The following NLRP4 variants were observed in gnomAD, a reference collection of about 807,000 sequenced individuals.
NLRP4 encodes NLR family pyrin domain containing 4, also known as NACHT, LRR and PYD domains-containing protein 4.
Under a neutral mutation model 84.7 loss-of-function variants are expected in NLRP4, and 44 were observed. The observed-to-expected ratio is 0.52, with a 90% CI of 0.41 to 0.67. The LOEUF is 0.67. Ranked by LOEUF, NLRP4 falls within the 30% of genes least tolerant of loss-of-function variation. NLRP4 has a pLI of 0.00. For synonymous variants in NLRP4, 544 were observed against 476.4 expected, an observed-to-expected ratio of 1.14 and a Z score of -1.85; for missense variants, 1,260 against 1,219.4, an observed-to-expected ratio of 1.03 and a Z score of -0.50.
At chr19:55,841,851 C>G (rs894669508) in intron 1 of NLRP4, among the ~76,000 whole-genome samples, 1 of 151,920 alleles carries the variant, frequency 6.6e-6, no homozygotes, top group Non-Finnish European at 1.5e-5. Context: ...GGTGATAGTG[C>G]GAGACTCTGT....
rs138328222 is a variant in NLRP4 at position 55,850,092 on chromosome 19, T to A, written c.-65-1924T>A. On this transcript the variant is annotated intron_variant, in intron 1 of 9. Coordinates refer to ENST00000301295, the MANE Select transcript of NLRP4 (RefSeq NM_134444.5). Reference sequence around the variant, plus strand: ...TTCCGAGACTGCGGTGTAATTTCCGTGGCTGCGGTGTAATTACCGTAGCTG... The same window carrying A: ...TTCCGAGACTGCGGTGTAATTTCCGAGGCTGCGGTGTAATTACCGTAGCTG... Among the ~76,000 whole-genome samples the A allele has an allele frequency of 1.2e-3, 127 of 107,802 alleles. 11 individuals are homozygous for A. The highest frequency in any genetic ancestry group is 2.1e-3 in the African/African-American group (38 of 18,210). 70.7% of individuals were successfully genotyped at this position (107,802 alleles called of 152,430 possible).
intron 3 of NLRP4, 120 bp from the exon 4 acceptor site, chr19:55,861,266 C>A: frequency 1.3e-6 from 1 of 798,734 alleles, no homozygotes; most frequent in Non-Finnish European, 2.0e-6. Context: ...TTCCTTCTGA[C>A]TGAGGGAGGC....
chr19:55,852,721 C>G (rs1246061533), intron 2 of NLRP4, among the ~76,000 whole-genome samples: 1 of 152,164 alleles, frequency 6.6e-6, no homozygotes. Context: ...AGGTGATCCA[C>G]CCATCTTGGC....
intron 6 of NLRP4, among the ~76,000 whole-genome samples, chr19:55,868,301 T>C (rs748007332): frequency 9.9e-5 from 15 of 152,180 alleles, no homozygotes; most frequent in Middle Eastern, 3.2e-3. Flanking sequence ...CCCCAGTTAA[T>C]ACTATAATAC....
chr19:55,857,000 T>C (rs1459804110), intron 2 of NLRP4, among the ~76,000 whole-genome samples: 1 of 152,236 alleles, frequency 6.6e-6, no homozygotes, highest in Non-Finnish European at 1.5e-5. Context: ...TCCCTATATG[T>C]GAAACCTATA....
At chr19:55,844,418 C>G (rs1426380277) in intron 1 of NLRP4, among the ~76,000 whole-genome samples, 1 of 152,128 alleles carries the variant, frequency 6.6e-6, no homozygotes, top group Non-Finnish European at 1.5e-5. Flanking sequence ...GCTGGGAAGA[C>G]AGGCACATAC....
chr19:55,878,834 C>G lies in NLRP4; in HGVS notation c.2737C>G (p.Leu913Val). Residue 913 changes from leucine (L) to valine (V), a missense_variant, in exon 9 of 10, where the codon CTC becomes GTC. Leu to Val is a conservative substitution (Grantham distance 32, BLOSUM62 1). Transcript: ENST00000301295. ...GTTAACGAGCACCTGCTGTAAGGAT[C>G]TCGCGTCTGTTCTCACCTGCAGTAA... ...CGLTSTCCKDLASVLTCSKTL... is the reference protein window; with the variant it reads ...CGLTSTCCKDVASVLTCSKTL... 1 of 1,613,690 alleles carries G rather than the reference C, an allele frequency of 6.2e-7. No homozygotes were observed. Among genetic ancestry groups the G allele is most frequent in the Non-Finnish European group, 8.5e-7 (1 of 1,179,722 alleles).
At chr19:55,878,660 G>A (rs973175025) in intron 8 of NLRP4, 134 bp from the exon 9 acceptor site, 2 of 675,206 alleles carry the variant, frequency 3.0e-6, no homozygotes, top group Non-Finnish European at 4.9e-6. Flanking sequence ...GTGATCTGAG[G>A]TCGTAAACAC....
intron 9 of NLRP4, among the ~76,000 whole-genome samples, chr19:55,880,499 A>G (rs1568677973): frequency 6.6e-6 from 1 of 152,216 alleles, no homozygotes; most frequent in Admixed American, 6.5e-5. Flanking sequence ...TTATGAAAGT[A>G]TGCATCAGAT....
At chr19:55,837,299 AC>A (rs1376168506) in intron 1 of NLRP4, among the ~76,000 whole-genome samples, 1 of 151,972 alleles carries the variant, frequency 6.6e-6, no homozygotes, top group African/African-American at 2.4e-5. Context: ...TGTACACCAA[AC>A]CCCTGTGACA....
intron 7 of NLRP4, among the ~76,000 whole-genome samples, chr19:55,871,880 G>T (rs572109748): frequency 1.4e-5 from 2 of 145,026 alleles, no homozygotes; most frequent in African/African-American, 5.2e-5. Flanking sequence ...GAAGAGTCTC[G>T]CTCTGTCAGC....
chr19:55,849,609 C>T (rs1983935169), intron 1 of NLRP4, among the ~76,000 whole-genome samples: 1 of 152,146 alleles, frequency 6.6e-6, no homozygotes, highest in Non-Finnish European at 1.5e-5. Flanking sequence ...TCCAGTTGTT[C>T]CAGCACCATT....
intron 3 of NLRP4, 135 bp from the exon 4 acceptor site, chr19:55,861,251 T>A (rs1984737953): frequency 2.9e-6 from 2 of 697,062 alleles, no homozygotes; most frequent in Non-Finnish European, 4.8e-6. Flanking sequence ...ACCTGAAGGG[T>A]CCCGTTCCTT....
rs111378381 is a variant in NLRP4, at chr19:55,850,725, C to A, written c.-65-1291C>A. The stretch of plus-strand genomic sequence containing the variant: ...GTGTACTTCCCGAGGCTGCGGTGTA[C>A]TTTCCGAGGCTGCGGTGTACTTCCC... On this transcript the variant is annotated intron_variant, in intron 1 of 9. Coordinates refer to ENST00000301295, the MANE Select transcript of NLRP4 (RefSeq NM_134444.5). Among the ~76,000 whole-genome samples the A allele has an allele frequency of 1.2e-3, 101 of 84,304 alleles. 9 individuals are homozygous for A. Among genetic ancestry groups the A allele is most frequent in the African/African-American group, 4.8e-3 (85 of 17,754 alleles). The allele number at this position is 84,304 out of a possible 152,430, so 55.3% of individuals were successfully genotyped here.
rs201339151 is a variant in NLRP4 at position 55,862,159 on chromosome 19, C to T, written c.2186C>T (p.Ala729Val). Residue 729 changes from alanine (A) to valine (V), a missense_variant and splice_region_variant, in exon 5 of 10, where the codon GCG becomes GTG. Ala to Val is a moderately conservative substitution (Grantham distance 64). Around this residue, in one of 3 missense-constraint regions of NLRP4, gnomAD observed 544 missense variants for 531.7 expected, o/e 1.02. Coordinates refer to ENST00000301295, the MANE Select transcript of NLRP4 (RefSeq NM_134444.5). ...NYPAGNVKEL[A>V]LVNCHLSPID... The stretch of plus-strand genomic sequence containing the variant: ...CCAGCAGGCAACGTCAAAGAGCTAG[C>T]GTAAGTCTCCGTTTATTGAGACCAC... The T allele has an allele frequency of 3.0e-5, 48 of 1,609,782 alleles. No individual in the cohort carries two copies. Among genetic ancestry groups the T allele is most frequent in the East Asian group, 6.7e-5 (3 of 44,772 alleles).
chr19:55,855,548 C>A (rs1345368048), intron 2 of NLRP4, among the ~76,000 whole-genome samples: 1 of 152,178 alleles, frequency 6.6e-6, no homozygotes, highest in African/African-American at 2.4e-5. Context: ...TTGGGGGAAT[C>A]CCTTGTTCTC....
At chr19:55,870,650 CAA>C (rs1985139424) in intron 6 of NLRP4, among the ~76,000 whole-genome samples, 175 bp from the exon 7 acceptor site, 1 of 152,152 alleles carries the variant, frequency 6.6e-6, no homozygotes, top group African/African-American at 2.4e-5. Context: ...GCGACGACAG[CAA>C]AACTCCATCT....
At chr19:55,876,862 GAATCTGTGGATATGGAGGACTGACGGT>G in intron 7 of NLRP4, 107 bp from the exon 8 acceptor site, 1 of 634,366 alleles carries the variant, frequency 1.6e-6, no homozygotes, top group Non-Finnish European at 2.8e-6. Flanking sequence ...GCCACTAGTT[GAATCTGTGGATATGGAGGACTGACGGT>G]GCCTATCCAC....
intron 7 of NLRP4, 53 bp from the exon 8 acceptor site, chr19:55,876,943 T>C: frequency 1.4e-6 from 2 of 1,473,346 alleles, no homozygotes; most frequent in Non-Finnish European, 1.9e-6. Context: ...CTTTTCCTGA[T>C]ATTAGACTGA....
Sources: gnomAD v4.1 joint callset for allele counts (sites outside exome capture counted in the v4.1 genomes callset) on GRCh38, gnomAD v4.1.1 for gene constraint, gnomAD v4.1.1 regional missense constraint, MANE v1.5 for transcripts, NCBI Gene and HGNC (gene_info 2026-07-23, HGNC 2026-07-21) for gene names.